The following PPARGC1A variants were observed in gnomAD, a reference collection of about 807,000 sequenced individuals.
The protein encoded by PPARGC1A is peroxisome proliferator-activated receptor gamma coactivator 1-alpha.
PPARGC1A carries 25 observed loss-of-function variants against 88.7 expected under a neutral mutation model. The ratio of observed to expected loss-of-function variants is 0.28; its 90% CI spans 0.21 to 0.39. PPARGC1A has a LOEUF of 0.39. Ranked by LOEUF, PPARGC1A falls within the 10% of genes least tolerant of loss-of-function variation. The probability of loss-of-function intolerance (pLI) is 1.00; values close to 1 mark genes in which losing one functional copy is unlikely to be tolerated. For missense variants in PPARGC1A, 880 were observed against 968.7 expected, an observed-to-expected ratio of 0.91 and a Z score of 1.22; for synonymous variants, 363 against 355.6, an observed-to-expected ratio of 1.02 and a Z score of -0.24.
At chr4:23,987,563 T>C in the PPARGC1A span, among the ~76,000 whole-genome samples, 7 of 152,000 alleles carry the variant, frequency 4.6e-5, no homozygotes, top group Non-Finnish European at 1.0e-4. Flanking sequence ...CACTGCTTCC[T>C]GGAAGCCTTT....
chr4:23,889,881 C>T (rs756804325), intron 1 of PPARGC1A, 23 bp downstream of exon 1: 5 of 1,611,396 alleles, frequency 3.1e-6, no homozygotes, highest in Non-Finnish European at 4.2e-6. Context: ...GTGGCTGCAG[C>T]GCCGAGCCCT....
chr4:24,017,004 G>T, the PPARGC1A span, among the ~76,000 whole-genome samples: 1 of 152,150 alleles, frequency 6.6e-6, no homozygotes, highest in African/African-American at 2.4e-5. Flanking sequence ...AGAGAACAGA[G>T]ATAGCAAAGT....
At chr4:24,061,103 A>C in the PPARGC1A span, among the ~76,000 whole-genome samples, 1 of 152,202 alleles carries the variant, frequency 6.6e-6, no homozygotes, top group East Asian at 1.9e-4. Context: ...AAAGAGTTAC[A>C]GGATGTATCA....
At chr4:24,158,676 T>C in the PPARGC1A span, among the ~76,000 whole-genome samples, 2 of 152,190 alleles carry the variant, frequency 1.3e-5, no homozygotes, top group Non-Finnish European at 2.9e-5. Flanking sequence ...AGAAGCTGGC[T>C]TAAATTGTTG....
chr4:24,454,289 T>G, the PPARGC1A span, among the ~76,000 whole-genome samples: 6 of 142,382 alleles, frequency 4.2e-5, no homozygotes, highest in African/African-American at 1.3e-4. Context: ...TGGTTGCTGG[T>G]TTTTTTTTTT....
the PPARGC1A span, among the ~76,000 whole-genome samples, chr4:24,028,585 G>C: frequency 6.6e-6 from 1 of 152,174 alleles, no homozygotes; most frequent in African/African-American, 2.4e-5. Context: ...AGAATACAAA[G>C]AGGTTAACAG....
At chr4:24,066,849 G>GTTTTTTTTTTTTTTTTTTTTTTTTT in the PPARGC1A span, among the ~76,000 whole-genome samples, 5 of 100,878 alleles carry the variant, frequency 5.0e-5, no homozygotes, top group African/African-American at 1.2e-4. Flanking sequence ...TTTGTTTTGG[G>GTTTTTTTTTTTTTTTTTTTTTTTTT]TTTTTTTTTT....
At chr4:24,372,673 ATAGGCTTTG>A in the PPARGC1A span, among the ~76,000 whole-genome samples, 1 of 152,158 alleles carries the variant, frequency 6.6e-6, no homozygotes, top group African/African-American at 2.4e-5. Context: ...GGTGAAAAAT[ATAGGCTTTG>A]TAGCTACACA....
the PPARGC1A span, among the ~76,000 whole-genome samples, chr4:24,184,687 C>T: frequency 1.3e-5 from 2 of 152,204 alleles, no homozygotes; most frequent in African/African-American, 4.8e-5. Flanking sequence ...TCCTCACGTG[C>T]ACCCTCTATT....
chr4:23,955,494 T>A, the PPARGC1A span, among the ~76,000 whole-genome samples: 1 of 152,178 alleles, frequency 6.6e-6, no homozygotes, highest in South Asian at 2.1e-4. Context: ...AAGGAGCAAT[T>A]TTCTTTATTA....
chr4:24,147,148 A>G, the PPARGC1A span, among the ~76,000 whole-genome samples: 1 of 152,098 alleles, frequency 6.6e-6, no homozygotes, highest in Non-Finnish European at 1.5e-5. Flanking sequence ...TCCTCCTCAC[A>G]TTTACACTGG....
chr4:23,965,677 G>A, the PPARGC1A span, among the ~76,000 whole-genome samples: 1 of 152,158 alleles, frequency 6.6e-6, no homozygotes, highest in Non-Finnish European at 1.5e-5. Flanking sequence ...AAGCTCCTGT[G>A]TGGAGGGTTC....
the PPARGC1A span, among the ~76,000 whole-genome samples, chr4:24,081,248 C>T: frequency 6.6e-6 from 1 of 152,036 alleles, no homozygotes; most frequent in Non-Finnish European, 1.5e-5. Context: ...TCTCAAAAAG[C>T]ATTTTGGTCT....
the PPARGC1A span, among the ~76,000 whole-genome samples, chr4:23,995,299 G>A: frequency 8.5e-5 from 13 of 152,120 alleles, no homozygotes; most frequent in Non-Finnish European, 1.8e-4. Context: ...TATCCCTCAC[G>A]TGGGAGTCAC....
intron 2 of PPARGC1A, among the ~76,000 whole-genome samples, chr4:23,855,190 C>T (rs1182516800): frequency 6.6e-6 from 1 of 152,126 alleles, no homozygotes; most frequent in Non-Finnish European, 1.5e-5. Context: ...CCTCCCCAGC[C>T]ATATGGAGCT....
At chr4:24,253,001 C>T in the PPARGC1A span, among the ~76,000 whole-genome samples, 2 of 152,196 alleles carry the variant, frequency 1.3e-5, no homozygotes, top group South Asian at 2.1e-4. Flanking sequence ...ACGATGATCT[C>T]ATTGTATTTG....
the PPARGC1A span, among the ~76,000 whole-genome samples, chr4:23,997,863 T>C: frequency 6.6e-6 from 1 of 152,172 alleles, no homozygotes; most frequent in South Asian, 2.1e-4. Context: ...TGAGTTAATA[T>C]TGAACTTGCA....
chr4:24,107,309 T>C, the PPARGC1A span, among the ~76,000 whole-genome samples: 58 of 152,320 alleles, frequency 3.8e-4, no homozygotes, highest in African/African-American at 1.3e-3. Context: ...TTGAAGATTA[T>C]AATGAACCGA....
the PPARGC1A span, among the ~76,000 whole-genome samples, chr4:24,234,507 T>A: frequency 6.6e-6 from 1 of 152,200 alleles, no homozygotes; most frequent in African/African-American, 2.4e-5. Context: ...AGAACCATGA[T>A]ATCAAATTAG....
Sources: allele counts gnomAD v4.1 joint callset (sites outside exome capture counted in the v4.1 genomes callset), GRCh38; gene constraint gnomAD v4.1.1; transcripts MANE v1.5; gene names NCBI Gene and HGNC (gene_info 2026-07-23, HGNC 2026-07-21).